Variants in TRPC3 observed in about 807,000 individuals in gnomAD.
TRPC3 encodes the protein short transient receptor potential channel 3.
In TRPC3, 54 loss-of-function variants were observed where a neutral mutation model predicts 90.9. The observed-to-expected ratio is 0.59, with a 90% CI of 0.48 to 0.75. TRPC3 has a LOEUF of 0.75. Ranked by LOEUF, TRPC3 falls within the 30% of genes least tolerant of loss-of-function variation. The pLI is 0.00. For missense variants in TRPC3, 918 were observed against 1,194.5 expected (o/e 0.77, Z 3.41); for synonymous variants, 424 against 450.9 (o/e 0.94, Z 0.75).
chr4:121,946,938 C>T (rs1306583345), intron 1 of TRPC3, among the ~76,000 whole-genome samples: 5 of 151,826 alleles, frequency 3.3e-5, no homozygotes, highest in Non-Finnish European at 7.4e-5. Context: ...ATCACAGCAA[C>T]TTGGGAGGTA....
At chr4:121,945,636 T>C (rs1440840074) in intron 1 of TRPC3, among the ~76,000 whole-genome samples, 2 of 152,004 alleles carry the variant, frequency 1.3e-5, no homozygotes, top group East Asian at 1.9e-4. Context: ...ATTGGCTATA[T>C]AAAAAGTGCA....
chr4:121,902,533 T>C (rs4833777), intron 9 of TRPC3, among the ~76,000 whole-genome samples: 44,125 of 152,096 alleles, frequency 0.29, 7,038 homozygotes, highest in East Asian at 0.43. Flanking sequence ...GAATAACAGT[T>C]GAGAAGCATG....
intron 7 of TRPC3, among the ~76,000 whole-genome samples, chr4:121,905,092 T>C (rs1214373317): frequency 2.0e-5 from 3 of 152,086 alleles, no homozygotes; most frequent in African/African-American, 4.8e-5. Flanking sequence ...TTTGTGTGTT[T>C]ATATAAAATT....
At chr4:121,913,672 T>TA (rs1729191611) in intron 4 of TRPC3, among the ~76,000 whole-genome samples, 1 of 138,834 alleles carries the variant, frequency 7.2e-6, no homozygotes, top group African/African-American at 2.5e-5. Context: ...TGCTCTCTCA[T>TA]ATTATTTATA....
intron 3 of TRPC3, among the ~76,000 whole-genome samples, chr4:121,924,660 C>T (rs1729638411): frequency 6.6e-6 from 1 of 152,210 alleles, no homozygotes; most frequent in Non-Finnish European, 1.5e-5. Context: ...CCTGCCTCAG[C>T]CTCCTGAGTA....
At chr4:121,911,589 C>A (rs1431442297) in intron 5 of TRPC3, among the ~76,000 whole-genome samples, 2 of 152,112 alleles carry the variant, frequency 1.3e-5, no homozygotes, top group Non-Finnish European at 2.9e-5. Context: ...CAGTGAGTTA[C>A]ATTTTAAAAC....
Position 121,907,583 on chromosome 4 carries a change from A to G in TRPC3, c.1793-16T>C, listed in dbSNP as rs778895001. On this transcript the variant is annotated splice_polypyrimidine_tract_variant and intron_variant, in intron 6 of 11. Transcript: ENST00000379645. Reference sequence around the variant, plus strand: ...TTATCTCTAGCTAGAAAAAAGAGAGAAAGAGATTAAAAATGGAGCTTTCTA... The same window carrying G: ...TTATCTCTAGCTAGAAAAAAGAGAGGAAGAGATTAAAAATGGAGCTTTCTA... 6.3e-7 allele frequency: 1 copy of G among 1,584,764 alleles called. No individual in the cohort carries two copies. The highest frequency in any genetic ancestry group is 1.4e-5 in the African/African-American group (1 of 73,180).
At chr4:121,884,191 GA>G (rs1242123344) in intron 10 of TRPC3, among the ~76,000 whole-genome samples, 1 of 152,182 alleles carries the variant, frequency 6.6e-6, no homozygotes, top group Admixed American at 6.5e-5. Context: ...CACAGAGTAT[GA>G]AGCTATTCTT....
rs1438252751 is a variant in TRPC3, at chr4:121,951,255, G to A, written c.215+211C>T. Among the ~76,000 whole-genome samples the A allele has an allele frequency of 6.6e-6, 1 of 152,086 alleles. No homozygotes were observed. The highest frequency in any genetic ancestry group is 1.9e-4 in the East Asian group (1 of 5,140). ...CAGAGCCCCTGCCACGCACTCGGCA[G>A]CCCCTGTGTCCCTCCACCGCGCGGG... On this transcript the variant is annotated intron_variant, in intron 1 of 11. Transcript: ENST00000379645. The surrounding 1 kb of genome is among the most constrained non-coding windows in gnomAD (Gnocchi z 4.4).
intron 9 of TRPC3, among the ~76,000 whole-genome samples, chr4:121,902,510 C>T (rs1455268087): frequency 1.3e-5 from 2 of 152,108 alleles, no homozygotes; most frequent in African/African-American, 4.8e-5. Flanking sequence ...GAAGTTTAAA[C>T]TATTTAACTT....
At chr4:121,900,550 C>T (rs948173868) in intron 9 of TRPC3, among the ~76,000 whole-genome samples, 1 of 152,162 alleles carries the variant, frequency 6.6e-6, no homozygotes, top group Non-Finnish European at 1.5e-5. Context: ...CCTTAGCTAA[C>T]AAAGTTAATT....
chr4:121,937,732 TTAATC>T (rs1730178179), intron 1 of TRPC3, among the ~76,000 whole-genome samples: 1 of 152,212 alleles, frequency 6.6e-6, no homozygotes, highest in Non-Finnish European at 1.5e-5. Flanking sequence ...TTTTTGTCCT[TTAATC>T]TAAAAATAAA....
chr4:121,903,113 G>A (rs1728760565), intron 8 of TRPC3, 52 bp from the exon 9 acceptor site: 2 of 1,499,388 alleles, frequency 1.3e-6, no homozygotes, highest in African/African-American at 2.8e-5. Flanking sequence ...AAATATTCTA[G>A]TGACTGTTGC....
At chr4:121,883,482 C>T (rs924471079) in intron 10 of TRPC3, among the ~76,000 whole-genome samples, 1 of 151,934 alleles carries the variant, frequency 6.6e-6, no homozygotes, top group Admixed American at 6.6e-5. Flanking sequence ...AAAAGACAAA[C>T]AAATGTTTCA....
intron 6 of TRPC3, among the ~76,000 whole-genome samples, chr4:121,909,443 C>A (rs1312182382): frequency 1.3e-5 from 2 of 152,084 alleles, no homozygotes; most frequent in African/African-American, 4.8e-5. Context: ...ACAACTATAT[C>A]CAAATTTGCT....
chr4:121,933,340 T>C, intron 1 of TRPC3: 1 of 291,482 alleles, frequency 3.4e-6, no homozygotes, highest in Non-Finnish European at 5.9e-6. Flanking sequence ...CATGCCTTCC[T>C]TGTGACCCTA....
intron 1 of TRPC3, 153 bp from the exon 2 acceptor site, chr4:121,933,195 C>T: frequency 7.5e-7 from 1 of 1,335,132 alleles, no homozygotes; most frequent in Non-Finnish European, 9.6e-7. Context: ...GCTAACTACT[C>T]GCCTGAAAGT....
At chr4:121,894,099 A>G (rs980688007) in intron 10 of TRPC3, among the ~76,000 whole-genome samples, 12 of 152,204 alleles carry the variant, frequency 7.9e-5, no homozygotes, top group Admixed American at 4.6e-4. Context: ...TTGAGATGTT[A>G]TATATACAAA....
At chr4:121,885,073 A>C (rs11726196) in intron 10 of TRPC3, among the ~76,000 whole-genome samples, 94,608 of 152,044 alleles carry the variant, frequency 0.62, 30,121 homozygotes, top group East Asian at 0.8. Context: ...GACTATTTAA[A>C]AAGTAGTGCT....
Sources: allele counts gnomAD v4.1 joint callset (sites outside exome capture counted in the v4.1 genomes callset), GRCh38; gene constraint gnomAD v4.1.1; non-coding constraint Gnocchi (gnomAD v3.1); transcripts MANE v1.5; gene names NCBI Gene and HGNC (gene_info 2026-07-23, HGNC 2026-07-21).